The following HELLS variants were observed in gnomAD, a reference collection of about 807,000 sequenced individuals.
The protein encoded by HELLS is helicase, lymphoid specific, also known as lymphoid-specific helicase.
A neutral mutation model predicts 120.0 loss-of-function variants in HELLS; 32 were observed. The observed-to-expected ratio is 0.27, with a 90% CI of 0.20 to 0.36. The LOEUF (loss-of-function observed/expected upper bound fraction) is 0.36, where lower values mean the gene tolerates loss of function less well. Among genes scored for constraint, HELLS ranks in the 10% least tolerant of loss-of-function variants. The pLI is 1.00. For missense variants in HELLS, 650 were observed against 993.4 expected (o/e 0.65, Z 4.65); for synonymous variants, 341 against 323.4 (o/e 1.05, Z -0.58).
intron 12 of HELLS, chr10:94,583,982 C>T (rs2134086405): frequency 1.7e-6 from 1 of 595,294 alleles, no homozygotes; most frequent in Admixed American, 2.9e-5. Context: ...CTGGCTATTT[C>T]CTTAGGAAAG....
intron 6 of HELLS, among the ~76,000 whole-genome samples, chr10:94,564,803 C>T (rs1387045180): frequency 6.6e-6 from 1 of 151,994 alleles, no homozygotes; most frequent in Non-Finnish European, 1.5e-5. Context: ...CCATGTTGGC[C>T]AGGATGGTCT....
intron 4 of HELLS, among the ~76,000 whole-genome samples, chr10:94,559,315 T>G (rs1184072147): frequency 1.3e-5 from 2 of 152,180 alleles, no homozygotes; most frequent in African/African-American, 4.8e-5. Context: ...TGTACCAAAG[T>G]GCTGTCTAGT....
chr10:94,548,655 A>G (rs1842846057), intron 2 of HELLS, among the ~76,000 whole-genome samples: 1 of 152,220 alleles, frequency 6.6e-6, no homozygotes, highest in African/African-American at 2.4e-5. Context: ...TATGCATCAT[A>G]GAACCTAAAG....
chr10:94,562,874 G>A lies in HELLS; in HGVS notation c.433G>A (p.Glu145Lys). 6.4e-7 allele frequency: 1 copy of A among 1,563,746 alleles called. No homozygotes were observed. Among genetic ancestry groups the A allele is most frequent in the Non-Finnish European group, 8.8e-7 (1 of 1,142,528 alleles). ...CAATATTTCAGAGGTCATGTCAAAA[G>A]AGGTAAAAATAAAAGGGAGAGGGCA... is the stretch of plus-strand genomic sequence containing the variant. ...SYNISEVMSK[E>K]EILSVAKKNK... The change falls in exon 6 of 22, where the codon GAG becomes AAG. Residue 145 changes from glutamate (E) to lysine (K), a missense_variant and splice_region_variant. Glu to Lys is a moderately conservative substitution (Grantham distance 56). This residue lies in a region of HELLS where 113 missense variants were observed against 120.7 expected (regional missense o/e 0.94). Transcript: ENST00000348459.
intron 20 of HELLS, 27 bp from the exon 21 acceptor site, chr10:94,597,008 T>C: frequency 2.7e-6 from 4 of 1,486,858 alleles, no homozygotes; most frequent in South Asian, 2.3e-5. Flanking sequence ...ATTATTCACA[T>C]AGACTTGAAT....
chr10:94,582,941 C>T (rs747663908), intron 11 of HELLS, 22 bp from the exon 12 acceptor site: 1 of 1,386,930 alleles, frequency 7.2e-7, no homozygotes, highest in Non-Finnish European at 1.0e-6. Flanking sequence ...TGATGGTTAA[C>T]TTAAACATTT....
intron 12 of HELLS, 103 bp from the exon 13 acceptor site, chr10:94,588,126 A>G (rs1041019360): frequency 3.6e-6 from 2 of 559,110 alleles, no homozygotes; most frequent in South Asian, 3.5e-5. Context: ...CATTATTTAT[A>G]TAGGAAGTCA....
rs139215283 is a variant in HELLS, at chr10:94,576,765, C to T, written c.992C>T (p.Thr331Met). The T allele has an allele frequency of 8.1e-6, 13 of 1,610,562 alleles. No homozygotes were observed. The Admixed American group carries it at 1.0e-4, about 13-fold the overall frequency. Reference protein sequence around the residue: ...GTLQIHPVVITSFEIAMRDRN... With the variant: ...GTLQIHPVVIMSFEIAMRDRN... ...TTGCAGATTCATCCTGTGGTAATCACGTCATTTGAAATAGCCATGAGAGAC... is the reference window on the plus strand; with the variant it reads ...TTGCAGATTCATCCTGTGGTAATCATGTCATTTGAAATAGCCATGAGAGAC... The change falls in exon 10 of 22, where the codon ACG (threonine) becomes ATG (methionine). Residue 331 changes from threonine (T) to methionine (M), a missense_variant. Thr to Met is a moderately conservative substitution (Grantham distance 81). Transcript: ENST00000348459.
At position 94,546,437 on chromosome 10, in the gene HELLS, T is replaced by C; in HGVS notation, c.92T>C (p.Leu31Pro). 2 of 1,614,168 alleles carry C rather than the reference T, an allele frequency of 1.2e-6. No individual in the cohort carries two copies. The highest frequency in any genetic ancestry group is 1.1e-5 in the South Asian group (1 of 91,078). Residue 31 changes from leucine (L) to proline (P), a missense_variant, in exon 2 of 22, where the codon CTA becomes CCA. By Grantham distance (98) the Leu-to-Pro change is moderately conservative. Transcript: ENST00000348459. ...ACTGCTGTGATTACCCCGGCCATGC[T>C]AGAAGAGGAAGAACAGCTTGAAGCT... is the stretch of plus-strand genomic sequence containing the variant. ...LDTAVITPAM[L>P]EEEEQLEAAG...
chr10:94,552,630 G>A (rs1419773157), intron 2 of HELLS, among the ~76,000 whole-genome samples: 1 of 152,126 alleles, frequency 6.6e-6, no homozygotes, highest in African/African-American at 2.4e-5. Flanking sequence ...TTATATAATT[G>A]TTGCAGTACA....
At chr10:94,568,593 A>G (rs1271178440) in intron 6 of HELLS, among the ~76,000 whole-genome samples, 1 of 152,152 alleles carries the variant, frequency 6.6e-6, no homozygotes, top group Non-Finnish European at 1.5e-5. Context: ...TGTCAAGAGT[A>G]CCAGATTGGT....
chr10:94,596,951 T>C lies in HELLS; in HGVS notation c.2340T>C (p.Tyr780=), dbSNP rs1845769841. ...ELMELLKSRD[Y]EREIKGSREK... is the part of the protein sequence containing the mutation. ...TGGAATTATTAAAATCTAGAGATTA[T>C]GAAAGGTGAGTTTTTAATTTTAGAA... is the stretch of plus-strand genomic sequence containing the variant. Residue 780 remains tyrosine, a synonymous_variant, in exon 20 of 22, where the codon TAT becomes TAC. Transcript: ENST00000348459. 1 of 1,469,642 alleles carries C rather than the reference T, an allele frequency of 6.8e-7. No homozygotes were observed. The highest frequency in any genetic ancestry group is 1.4e-5 in the African/African-American group (1 of 71,524). 91.0% of individuals were successfully genotyped at this position (1,469,642 alleles called of 1,614,324 possible).
chr10:94,613,353 T>A (rs1342939006), exon 10 of HELLS: 2 of 152,234 alleles, frequency 1.3e-5, no homozygotes, highest in Non-Finnish European at 2.9e-5. Flanking sequence ...GCCTATTATA[T>A]TAATCTCCCA....
chr10:94,594,525 A>G (rs1845650175), intron 18 of HELLS, among the ~76,000 whole-genome samples, 170 bp from the exon 19 acceptor site: 1 of 152,090 alleles, frequency 6.6e-6, no homozygotes, highest in Non-Finnish European at 1.5e-5. Context: ...TAATATTGTC[A>G]AGGATCTGTG....
chr10:94,545,830 G>A lies in HELLS; in HGVS notation c.-92G>A. ...TTTTCCCTGGCGGGGGATTTGGCTA[G>A]AAGGCTGGGCCGGCAGCGGTTGTGA... On this transcript the variant is annotated 5_prime_UTR_variant, in exon 1 of 22. Transcript: ENST00000348459. 4 of 1,422,538 alleles carry A rather than the reference G, an allele frequency of 2.8e-6. No homozygotes were observed. Among genetic ancestry groups the A allele is most frequent in the Non-Finnish European group, 3.9e-6 (4 of 1,029,060 alleles). 88.1% of individuals were successfully genotyped at this position (1,422,538 alleles called of 1,614,324 possible).
At chr10:94,587,309 T>C (rs760774568) in intron 12 of HELLS, among the ~76,000 whole-genome samples, 5 of 152,216 alleles carry the variant, frequency 3.3e-5, no homozygotes, top group Non-Finnish European at 5.9e-5. Context: ...TTATGAGGTA[T>C]ATGTTTTGAT....
chr10:94,593,332 A>G (rs1845583444), intron 17 of HELLS, among the ~76,000 whole-genome samples, 167 bp from the exon 18 acceptor site: 1 of 152,248 alleles, frequency 6.6e-6, no homozygotes, highest in African/African-American at 2.4e-5. Flanking sequence ...TGGACGATAA[A>G]GCTAACAGCA....
intron 4 of HELLS, among the ~76,000 whole-genome samples, chr10:94,561,873 A>C (rs1843571244): frequency 7.0e-6 from 1 of 141,992 alleles, no homozygotes; most frequent in African/African-American, 3.0e-5. Flanking sequence ...TATGAATTTC[A>C]TTCACAATGA....
intron 6 of HELLS, among the ~76,000 whole-genome samples, chr10:94,567,561 T>A (rs1022636668): frequency 6.6e-6 from 1 of 152,158 alleles, no homozygotes; most frequent in Non-Finnish European, 1.5e-5. Flanking sequence ...GCCCCCAAAG[T>A]GCTGAGATTA....
Sources: gnomAD v4.1 joint callset for allele counts (sites outside exome capture counted in the v4.1 genomes callset) on GRCh38, gnomAD v4.1.1 for gene constraint, gnomAD v4.1.1 regional missense constraint, MANE v1.5 for transcripts, NCBI Gene and HGNC (gene_info 2026-07-23, HGNC 2026-07-21) for gene names.